SYTL2: variants seen among roughly 807,000 people sequenced by gnomAD.
SYTL2 encodes the protein synaptotagmin like 2.
In SYTL2, 165 loss-of-function variants were observed where a neutral mutation model predicts 198.7. That is an observed-to-expected ratio of 0.83 (90% CI 0.73 to 0.94). SYTL2 has a LOEUF of 0.94. Ranked by LOEUF, SYTL2 falls within the 40% of genes least tolerant of loss-of-function variation. The pLI is 0.00. For missense variants in SYTL2, 2,835 were observed against 2,582.8 expected, an observed-to-expected ratio of 1.10 and a Z score of -2.12; for synonymous variants, 966 against 917.7, an observed-to-expected ratio of 1.05 and a Z score of -0.95.
At chr11:85,703,001 G>C (rs977838915) in intron 16 of SYTL2, among the ~76,000 whole-genome samples, 11 of 152,166 alleles carry the variant, frequency 7.2e-5, no homozygotes, top group Admixed American at 7.2e-4. Context: ...TTATATTATA[G>C]ATTGGCTTAA....
chr11:85,721,278 C>G (rs1402016520), intron 8 of SYTL2, among the ~76,000 whole-genome samples: 1 of 152,150 alleles, frequency 6.6e-6, no homozygotes, highest in Non-Finnish European at 1.5e-5. Flanking sequence ...TGACTCTTCC[C>G]ATTTAACATT....
chr11:85,763,855 A>G (rs2092164366), intron 1 of SYTL2, among the ~76,000 whole-genome samples: 1 of 152,230 alleles, frequency 6.6e-6, no homozygotes, highest in Admixed American at 6.5e-5. Context: ...TGCTTTGTAA[A>G]CTTCCTAGGA....
upstream of SYTL2, among the ~76,000 whole-genome samples, chr11:85,814,273 C>T (rs2093059043): frequency 6.6e-6 from 1 of 152,208 alleles, no homozygotes. Context: ...TTGTAGCCCT[C>T]CTTCAACATC....
intron 4 of SYTL2, 122 bp from the exon 5 acceptor site, chr11:85,737,778 G>A: frequency 1.3e-6 from 1 of 753,532 alleles, no homozygotes; most frequent in Admixed American, 2.5e-5. Context: ...AGAATAAGAA[G>A]GATTCTCTAG....
chr11:85,733,807 G>A (rs1180156800), intron 7 of SYTL2, 132 bp downstream of exon 7: 2 of 699,128 alleles, frequency 2.9e-6, no homozygotes, highest in Non-Finnish European at 4.8e-6. Flanking sequence ...CACCTTGTTA[G>A]CCAGGATGGT....
chr11:85,830,103 T>C, the SYTL2 span, among the ~76,000 whole-genome samples: 2 of 152,214 alleles, frequency 1.3e-5, no homozygotes, highest in African/African-American at 2.4e-5. Context: ...CTAATATCAA[T>C]CATTCTCAAA....
chr11:85,821,006 C>T, the SYTL2 span, among the ~76,000 whole-genome samples: 1 of 152,176 alleles, frequency 6.6e-6, no homozygotes, highest in African/African-American at 2.4e-5. Context: ...GGGGATACAA[C>T]AGTGAATGAG....
chr11:85,741,720 C>A (rs2090801802), intron 4 of SYTL2, among the ~76,000 whole-genome samples: 1 of 152,134 alleles, frequency 6.6e-6, no homozygotes, highest in African/African-American at 2.4e-5. Flanking sequence ...AATAGCTAAT[C>A]CTTCTGGGAG....
At position 85,700,580 on chromosome 11, in the gene SYTL2, G is replaced by T. The variant is rs374780886; in HGVS notation, c.6203C>A (p.Ala2068Asp). The T allele has an allele frequency of 2.2e-5, 36 of 1,613,730 alleles. No homozygotes were observed. The highest frequency in any genetic ancestry group is 2.9e-5 in the Non-Finnish European group (34 of 1,179,806). ...TTCACCTCTGTTTTCTGCTTCAAGGGCAACTGGTGCTGTCTGAAAAGTGAA... is the reference window on the plus strand; with the variant it reads ...TTCACCTCTGTTTTCTGCTTCAAGGTCAACTGGTGCTGTCTGAAAAGTGAA... ...YPLKRKTAPVALEAENRGEMK... is the reference protein window; with the variant it reads ...YPLKRKTAPVDLEAENRGEMK... The change falls in exon 17 of 20, where the codon GCC becomes GAC. Residue 2068 changes from alanine (A) to aspartate (D), a missense_variant. Physicochemically the swap from Ala to Asp is moderately radical, Grantham distance 126. Transcript: ENST00000359152.
chr11:85,844,130 C>T, the SYTL2 span, among the ~76,000 whole-genome samples: 23 of 152,342 alleles, frequency 1.5e-4, no homozygotes, highest in African/African-American at 4.6e-4. Context: ...CCTCTCCAAG[C>T]AGTCCCCCTG....
intron 9 of SYTL2, chr11:85,719,125 G>A: frequency 6.9e-7 from 1 of 1,449,126 alleles, no homozygotes; most frequent in Non-Finnish European, 9.2e-7. Context: ...TCGGCCAGCA[G>A]CAGGAGAAAG....
At chr11:85,708,041 T>A (rs2085517449) in intron 14 of SYTL2, 2 of 369,212 alleles carry the variant, frequency 5.4e-6, no homozygotes, top group Non-Finnish European at 1.0e-5. Flanking sequence ...TGCATGCCTG[T>A]AATTCCAGCT....
Position 85,725,221 on chromosome 11 carries a change from TC to T in SYTL2, c.4136del (p.Gly1379GlufsTer5). 6.2e-7 allele frequency: 1 copy of T among 1,614,148 alleles called. No homozygotes were observed. On this transcript the variant is annotated frameshift_variant, in exon 8 of 20. Transcript: ENST00000359152. LOFTEE classifies it high-confidence loss of function. ...CAGCTGGATAACTTAACCATACTTC[TC>T]CACACAGCTTCTGTAATGCAGCACT... ...DVSAALQKLC[G>X]EVWLSYPAGR... is the part of the protein sequence containing the mutation.
At chr11:85,732,827 C>T (rs950289959) in intron 7 of SYTL2, among the ~76,000 whole-genome samples, 3 of 151,992 alleles carry the variant, frequency 2.0e-5, no homozygotes, top group East Asian at 1.9e-4. Flanking sequence ...TCATAGGGTT[C>T]GATGCAGGCT....
chr11:85,783,229 T>C (rs1211478724), intron 1 of SYTL2, among the ~76,000 whole-genome samples: 2 of 152,152 alleles, frequency 1.3e-5, no homozygotes, highest in Non-Finnish European at 1.5e-5. Context: ...TGTCCTTTTT[T>C]ACATGGTGGC....
At chr11:85,714,156 C>T (rs1231681744) in intron 12 of SYTL2, among the ~76,000 whole-genome samples, 1 of 152,200 alleles carries the variant, frequency 6.6e-6, no homozygotes, top group African/African-American at 2.4e-5. Flanking sequence ...TTTGTACTAA[C>T]TTTGAAACAA....
At chr11:85,782,878 G>A (rs144096504) in intron 1 of SYTL2, among the ~76,000 whole-genome samples, 281 of 152,326 alleles carry the variant, frequency 1.8e-3, no homozygotes, top group African/African-American at 6.2e-3. Flanking sequence ...TCTGGACTTC[G>A]TTGTCCACAT....
intron 7 of SYTL2, among the ~76,000 whole-genome samples, chr11:85,729,806 G>T (rs1237629466): frequency 1.3e-5 from 2 of 152,100 alleles, no homozygotes; most frequent in Non-Finnish European, 2.9e-5. Flanking sequence ...CCAGGAGCAG[G>T]TTCAGGTTTT....
intron 1 of SYTL2, among the ~76,000 whole-genome samples, chr11:85,761,172 T>C (rs925507556): frequency 1.3e-5 from 2 of 152,160 alleles, no homozygotes; most frequent in Non-Finnish European, 2.9e-5. Flanking sequence ...ATAATAAAAA[T>C]AAGTTTTTGA....
Sources: gnomAD v4.1 joint callset for allele counts (sites outside exome capture counted in the v4.1 genomes callset) on GRCh38, gnomAD v4.1.1 for gene constraint, MANE v1.5 for transcripts, NCBI Gene and HGNC (gene_info 2026-07-23, HGNC 2026-07-21) for gene names.